Variants in ANKS1B observed in about 807,000 individuals in gnomAD.
ANKS1B encodes the protein ankyrin repeat and sterile alpha motif domain-containing protein 1B.
Under a neutral mutation model 148.3 loss-of-function variants are expected in ANKS1B, and 36 were observed. The ratio of observed to expected loss-of-function variants is 0.24; its 90% CI spans 0.19 to 0.32. ANKS1B has a LOEUF of 0.32. Among genes scored for constraint, ANKS1B ranks in the 10% least tolerant of loss-of-function variants. ANKS1B has a pLI of 1.00. For synonymous variants in ANKS1B, 542 were observed against 560.8 expected, an observed-to-expected ratio of 0.97 and a Z score of 0.47; for missense variants, 1,157 against 1,542.6, an observed-to-expected ratio of 0.75 and a Z score of 4.19.
chr12:99,516,848 T>A (rs1161103733), intron 9 of ANKS1B, among the ~76,000 whole-genome samples: 1 of 152,112 alleles, frequency 6.6e-6, no homozygotes, highest in Non-Finnish European at 1.5e-5. Context: ...GTTTCTGTGT[T>A]CTCTATTCTA....
intron 12 of ANKS1B, among the ~76,000 whole-genome samples, chr12:99,309,082 A>G (rs1030921067): frequency 6.6e-6 from 1 of 151,670 alleles, no homozygotes; most frequent in Non-Finnish European, 1.5e-5. Flanking sequence ...GTTTGTAGTT[A>G]CTTTTAGGTT....
At chr12:99,623,883 T>TCA (rs1567503359) in intron 9 of ANKS1B, among the ~76,000 whole-genome samples, 1 of 151,930 alleles carries the variant, frequency 6.6e-6, no homozygotes, top group Admixed American at 6.6e-5. Flanking sequence ...ACATTATTTT[T>TCA]CACAGAACTA....
chr12:99,503,520 A>G (rs1018368378), intron 10 of ANKS1B, among the ~76,000 whole-genome samples: 1 of 152,040 alleles, frequency 6.6e-6, no homozygotes, highest in East Asian at 1.9e-4. Context: ...AAATTCCTCT[A>G]AACTTGATCA....
intron 17 of ANKS1B, among the ~76,000 whole-genome samples, chr12:98,957,599 G>A (rs904629897): frequency 6.6e-6 from 1 of 152,046 alleles, no homozygotes; most frequent in Non-Finnish European, 1.5e-5. Context: ...ACCTGCCTGA[G>A]CCTCCCAAAG....
At chr12:99,690,167 A>C (rs375779147) in intron 8 of ANKS1B, among the ~76,000 whole-genome samples, 16 of 152,254 alleles carry the variant, frequency 1.1e-4, no homozygotes, top group South Asian at 6.2e-4. Context: ...TCATGAGAAC[A>C]GCATAGGGGA....
At chr12:99,352,112 G>A (rs2091484552) in intron 12 of ANKS1B, 1 of 151,808 alleles carries the variant, frequency 6.6e-6, no homozygotes, top group African/African-American at 2.4e-5. Context: ...AATATGAAAA[G>A]TACAATTTCT....
chr12:99,984,547 G>C lies in ANKS1B; in HGVS notation c.-310C>G. On this transcript the variant is annotated 5_prime_UTR_variant, in exon 1 of 27. Coordinates refer to ENST00000683438, the MANE Select transcript of ANKS1B (RefSeq NM_001352186.2). ...GTTCCCGCGGGTGCGGCGTGAGGGG[G>C]TGGGGACTCGGGGGTGCTTTTGAGG... 3.5e-6 allele frequency: 1 copy of C among 285,058 alleles called. No individual in the cohort carries two copies. The highest frequency in any genetic ancestry group is 6.7e-6 in the Non-Finnish European group (1 of 149,298). 17.7% of individuals were successfully genotyped at this position (285,058 alleles called of 1,614,324 possible).
intron 15 of ANKS1B, among the ~76,000 whole-genome samples, chr12:99,151,835 C>T (rs1471970788): frequency 6.6e-6 from 1 of 152,108 alleles, no homozygotes; most frequent in Non-Finnish European, 1.5e-5. Flanking sequence ...TGCATGGATG[C>T]ACTATGATGT....
At chr12:98,987,201 A>C (rs1336915896) in intron 17 of ANKS1B, among the ~76,000 whole-genome samples, 3 of 151,888 alleles carry the variant, frequency 2.0e-5, no homozygotes, top group Non-Finnish European at 4.4e-5. Context: ...TATTCTCAGA[A>C]ATGTGATATA....
chr12:99,159,555 A>C (rs993078191), intron 14 of ANKS1B, among the ~76,000 whole-genome samples: 1 of 151,862 alleles, frequency 6.6e-6, no homozygotes, highest in African/African-American at 2.4e-5. Context: ...AAAGGATATA[A>C]TTTTTTTTCT....
At chr12:99,271,658 TA>T (rs1217536685) in intron 12 of ANKS1B, among the ~76,000 whole-genome samples, 2 of 73,638 alleles carry the variant, frequency 2.7e-5, no homozygotes, top group African/African-American at 9.6e-5. Flanking sequence ...AGTCAGTCAA[TA>T]AACTATATAT....
Position 99,345,649 on chromosome 12 carries a change from G to A in ANKS1B, c.1756+53982C>T, listed in dbSNP as rs140859811. Among the ~76,000 whole-genome samples the A allele has an allele frequency of 2.0e-4, 30 of 152,066 alleles. No homozygotes were observed. The East Asian group carries it at 5.8e-3, about 29-fold the overall frequency. ...TCACTTGACCCAGGTTGCACAGAGA[G>A]TTAGTGAAAATAGTGTCTGTGGGTT... On this transcript the variant is annotated intron_variant, in intron 12 of 26. Coordinates refer to ENST00000683438, the MANE Select transcript of ANKS1B (RefSeq NM_001352186.2).
intron 9 of ANKS1B, among the ~76,000 whole-genome samples, chr12:99,612,877 A>G (rs1184767400): frequency 2.0e-5 from 3 of 152,118 alleles, no homozygotes; most frequent in Non-Finnish European, 4.4e-5. Flanking sequence ...CATACAGGAC[A>G]AAGAGATATC....
Position 99,842,956 on chromosome 12 carries a change from C to T in ANKS1B, c.135-17567G>A, listed in dbSNP as rs563235557. The stretch of plus-strand genomic sequence containing the variant: ...CATTCGCAAATTTTTGGAAATGTTA[C>T]CATACACAGTATATCACTGTGATTG... On this transcript the variant is annotated intron_variant, in intron 1 of 26. Coordinates refer to ENST00000683438, the MANE Select transcript of ANKS1B (RefSeq NM_001352186.2). Among the ~76,000 whole-genome samples the T allele has an allele frequency of 9.2e-5, 14 of 152,216 alleles. No homozygotes were observed. In the South Asian group the frequency reaches 2.9e-3, roughly 32 times the overall value.
chr12:99,203,697 C>T lies in ANKS1B; in HGVS notation c.2419+40645G>A, dbSNP rs184661345. ...TGATCTCCTGACCTCGTGATCCACC[C>T]GCCTCAGCCTCCCAAAGTGCTGGGA... On this transcript the variant is annotated intron_variant, in intron 14 of 26. Transcript: ENST00000683438. Among the ~76,000 whole-genome samples the T allele has an allele frequency of 5.8e-3, 881 of 152,200 alleles. 4 individuals are homozygous for T. The highest frequency in any genetic ancestry group is 0.027 in the Middle Eastern group (8 of 294).
intron 1 of ANKS1B, among the ~76,000 whole-genome samples, chr12:99,915,179 C>A (rs780199105): frequency 4.1e-5 from 6 of 146,832 alleles, no homozygotes; most frequent in Non-Finnish European, 7.4e-5. Context: ...GAGCTGAGGT[C>A]GCACCATTGC....
At chr12:99,172,206 A>C (rs1196541897) in intron 14 of ANKS1B, among the ~76,000 whole-genome samples, 1 of 152,172 alleles carries the variant, frequency 6.6e-6, no homozygotes, top group Admixed American at 6.5e-5. Context: ...TGCATGTATG[A>C]GGAGGGAAAT....
chr12:98,745,603 G>T lies in ANKS1B; in HGVS notation c.*136C>A. The T allele has an allele frequency of 1.4e-6, 2 of 1,426,334 alleles. No homozygotes were observed. Among genetic ancestry groups the T allele is most frequent in the Non-Finnish European group, 1.8e-6 (2 of 1,087,252 alleles). The allele number at this position is 1,426,334 out of a possible 1,614,324, so 88.4% of individuals were successfully genotyped here. A position where few individuals can be genotyped will look rare whatever the true frequency, so the allele number is the denominator to read the frequency against. ...AGAACTTCCCCAGGAATGGCCAGTG[G>T]CCTTTCGCCCGTAACAAGGCCGCAC... On this transcript the variant is annotated 3_prime_UTR_variant, in exon 27 of 27. Coordinates refer to ENST00000683438, the MANE Select transcript of ANKS1B (RefSeq NM_001352186.2).
chr12:99,219,991 A>G (rs1002403144), intron 14 of ANKS1B, among the ~76,000 whole-genome samples: 1 of 152,198 alleles, frequency 6.6e-6, no homozygotes. Flanking sequence ...CCCAAAATGG[A>G]TATTAGACAC....
Sources: allele counts gnomAD v4.1 joint callset (sites outside exome capture counted in the v4.1 genomes callset), GRCh38; gene constraint gnomAD v4.1.1; transcripts MANE v1.5; gene names NCBI Gene and HGNC (gene_info 2026-07-23, HGNC 2026-07-21).